The following PDILT variants were observed in gnomAD, a reference collection of about 807,000 sequenced individuals.
PDILT encodes protein disulfide-isomerase-like protein of the testis.
A neutral mutation model predicts 53.7 loss-of-function variants in PDILT; 43 were observed. The observed-to-expected ratio is 0.80, with a 90% CI of 0.63 to 1.03. PDILT has a LOEUF of 1.03. Ranked by LOEUF, PDILT falls within the 50% of genes least tolerant of loss-of-function variation. PDILT has a pLI of 0.00. For missense variants in PDILT, 727 were observed against 712.3 expected (o/e 1.02, Z -0.24); for synonymous variants, 282 against 274.2 (o/e 1.03, Z -0.28).
intron 7 of PDILT, among the ~76,000 whole-genome samples, chr16:20,371,471 T>C (rs764027675): frequency 3.3e-5 from 5 of 152,186 alleles, no homozygotes; most frequent in Non-Finnish European, 7.3e-5. Flanking sequence ...ACAGCAAACA[T>C]ATTAAAACCA....
At chr16:20,359,787 G>A in intron 11 of PDILT, among the ~76,000 whole-genome samples, 1 of 152,188 alleles carries the variant, frequency 6.6e-6, no homozygotes, top group African/African-American at 2.4e-5. Flanking sequence ...CACCCTTCAG[G>A]TAAGAGGACC....
Position 20,399,289 on chromosome 16 carries a change from G to C in PDILT, c.12C>G (p.Leu4=), listed in dbSNP as rs1217523871. Residue 4 remains leucine, a synonymous_variant, in exon 2 of 12, where the codon CTC becomes CTG. Transcript: ENST00000302451. ...CGGCCACCAGCAGCAGGGGCATCCA[G>C]AGTAGGTCCATGGCTGTCCTGCAGG... is the stretch of plus-strand genomic sequence containing the variant. MDL[L]WMPLLLVAAC... 2 of 1,613,986 alleles carry C rather than the reference G, an allele frequency of 1.2e-6. No homozygotes were observed. The highest frequency in any genetic ancestry group is 1.7e-6 in the Non-Finnish European group (2 of 1,179,908).
At chr16:20,362,616 T>G (rs777291911) in intron 9 of PDILT, 34 bp from the exon 10 acceptor site, 1 of 1,606,968 alleles carries the variant, frequency 6.2e-7, no homozygotes, top group South Asian at 1.1e-5. Flanking sequence ...AGGCTCACAT[T>G]GATGAAGATC....
At chr16:20,367,851 G>T (rs1031069472) in intron 8 of PDILT, among the ~76,000 whole-genome samples, 1 of 152,200 alleles carries the variant, frequency 6.6e-6, no homozygotes, top group African/African-American at 2.4e-5. Context: ...CATGAAGCCA[G>T]TCACCCTCGT....
chr16:20,380,486 G>A (rs183059588), intron 3 of PDILT, among the ~76,000 whole-genome samples: 2 of 151,986 alleles, frequency 1.3e-5, no homozygotes, highest in South Asian at 2.1e-4. Context: ...ACAGGTGCCC[G>A]CCACCACACC....
chr16:20,378,543 T>C (rs1436103339), intron 3 of PDILT, among the ~76,000 whole-genome samples: 1 of 152,162 alleles, frequency 6.6e-6, no homozygotes, highest in Non-Finnish European at 1.5e-5. Flanking sequence ...GCTGTACCTA[T>C]CAACCCATCA....
In PDILT at chr16:20,404,483, C is replaced by T. The variant is rs953994519; in HGVS notation, c.-8+13G>A. 2.6e-5 allele frequency: 4 copies of T among 152,380 alleles called. No homozygotes were observed. The highest frequency in any genetic ancestry group is 6.5e-5 in the Admixed American group (1 of 15,298). 9.4% of individuals were successfully genotyped at this position (152,380 alleles called of 1,614,324 possible). A position where few individuals can be genotyped will look rare whatever the true frequency, so the allele number is the denominator to read the frequency against. On this transcript the variant is annotated intron_variant, in intron 1 of 11. Coordinates refer to ENST00000302451, the MANE Select transcript of PDILT (RefSeq NM_174924.2). ...CCATCAGTCAGATTTCCCATTTTCA[C>T]TGAAGCTCATACCTGCAGGAAGCCA...
chr16:20,384,741 T>G lies in PDILT; in HGVS notation c.313A>C (p.Ile105Leu), dbSNP rs1966510171. ...GIGFGKVDIT[I>L]EKELQQEFGI... is the part of the protein sequence containing the mutation. ...AACTCCTGCTGAAGCTCCTTCTCTA[T>G]GGTAATGTCCACTTTGCCAAAGCCG... The change falls in exon 3 of 12, where the codon ATA becomes CTA. Residue 105 changes from isoleucine to leucine, a missense_variant. Transcript: ENST00000302451. 2 of 1,614,216 alleles carry G rather than the reference T, an allele frequency of 1.2e-6. No individual in the cohort carries two copies. The highest frequency in any genetic ancestry group is 1.7e-6 in the Non-Finnish European group (2 of 1,180,038).
intron 5 of PDILT, among the ~76,000 whole-genome samples, chr16:20,373,630 A>T (rs1178668605): frequency 1.3e-5 from 2 of 152,226 alleles, no homozygotes; most frequent in African/African-American, 4.8e-5. Context: ...CGGAGGTGTA[A>T]CTAGACTGTC....
intron 2 of PDILT, among the ~76,000 whole-genome samples, chr16:20,395,698 G>A (rs773642327): frequency 7.9e-5 from 12 of 152,164 alleles, no homozygotes; most frequent in Admixed American, 2.0e-4. Context: ...GGGTCATAGA[G>A]GTGGATCCCT....
chr16:20,376,067 C>T lies in PDILT; in HGVS notation c.543+1G>A, dbSNP rs1282218527. ...CTCCTCCCACCTCTTGGTCCCAGTA[C>T]CTGGAAGAAGCCAACGATGACCAAG... On this transcript the variant is annotated splice_donor_variant, in intron 4 of 11. Coordinates refer to ENST00000302451, the MANE Select transcript of PDILT (RefSeq NM_174924.2). LOFTEE classifies it high-confidence loss of function. 1 of 1,613,886 alleles carries T rather than the reference C, an allele frequency of 6.2e-7. No individual in the cohort carries two copies. The highest frequency in any genetic ancestry group is 1.3e-5 in the African/African-American group (1 of 74,894).
At position 20,379,019 on chromosome 16, in the gene PDILT, A is replaced by ATT. The variant is rs35577097; in HGVS notation, c.410-2820_410-2819dup. Among the ~76,000 whole-genome samples the ATT allele has an allele frequency of 9.4e-4, 138 of 147,026 alleles. 1 individual carries two copies. The highest frequency in any genetic ancestry group is 1.8e-3 in the African/African-American group (72 of 40,084). On this transcript the variant is annotated intron_variant, in intron 3 of 11. Coordinates refer to ENST00000302451, the MANE Select transcript of PDILT (RefSeq NM_174924.2). ...CATTTAGTTGCTCTCATTTTAGGGC[A>ATT]TTTTTTTTTTTTGAGACAGTTTATC...
chr16:20,393,659 GAGA>G (rs1012330987), intron 2 of PDILT, among the ~76,000 whole-genome samples: 4 of 152,188 alleles, frequency 2.6e-5, no homozygotes, highest in Admixed American at 6.5e-5. Flanking sequence ...TACCTCAAAT[GAGA>G]AGGACAAGGA....
rs145948559 is a variant in PDILT at position 20,362,416 on chromosome 16, G to T, written c.1404C>A (p.Ser468Arg). 35 of 1,614,112 alleles carry T rather than the reference G, an allele frequency of 2.2e-5. No individual in the cohort carries two copies. In the African/African-American group the frequency reaches 4.1e-4, roughly 19 times the overall value. The change falls in exon 10 of 12, where the codon AGC (serine) becomes AGA (arginine). Residue 468 changes from serine to arginine, a missense_variant. Physicochemically the swap from Ser to Arg is moderately radical, Grantham distance 110. Transcript: ENST00000302451. The stretch of plus-strand genomic sequence containing the variant: ...AAGAGCCCCTCACTTGTTGAGAGCC[G>T]CTGGGGAACAGCCTGAAGAATGGGT... The part of the protein sequence containing the change: ...DRYPFFRLFP[S>R]GSQQAVLYKG...
intron 3 of PDILT, 91 bp downstream of exon 3, chr16:20,384,554 T>C: frequency 6.7e-7 from 1 of 1,487,500 alleles, no homozygotes; most frequent in East Asian, 2.3e-5. Flanking sequence ...CCCGAGAAGC[T>C]GCATGGAGCA....
chr16:20,368,604 G>T (rs987762406), intron 8 of PDILT, among the ~76,000 whole-genome samples: 13 of 110,114 alleles, frequency 1.2e-4, no homozygotes, highest in Non-Finnish European at 2.8e-4. Flanking sequence ...CTTTTTTTGG[G>T]GGGGTGGTGC....
chr16:20,359,894 G>C (rs1966072124), intron 11 of PDILT, among the ~76,000 whole-genome samples: 1 of 152,180 alleles, frequency 6.6e-6, no homozygotes, highest in African/African-American at 2.4e-5. Flanking sequence ...TGAGATCTCT[G>C]TCCAGGACAT....
chr16:20,383,878 ACCATATGTG>A (rs1966494581), intron 3 of PDILT, among the ~76,000 whole-genome samples: 1 of 152,220 alleles, frequency 6.6e-6, no homozygotes, highest in African/African-American at 2.4e-5. Context: ...AGTTGGGACT[ACCATATGTG>A]CCATACTAGT....
intron 3 of PDILT, among the ~76,000 whole-genome samples, chr16:20,381,472 T>C (rs534322196): frequency 7.2e-5 from 11 of 151,860 alleles, no homozygotes; most frequent in African/African-American, 2.2e-4. Flanking sequence ...CCATCTCTAC[T>C]AAAAATACTA....
Sources: allele counts gnomAD v4.1 joint callset (sites outside exome capture counted in the v4.1 genomes callset), GRCh38; gene constraint gnomAD v4.1.1; transcripts MANE v1.5; gene names NCBI Gene and HGNC (gene_info 2026-07-23, HGNC 2026-07-21).